The following TBC1D5 variants were observed in gnomAD, a reference collection of about 807,000 sequenced individuals.
The protein encoded by TBC1D5 is TBC1 domain family, member 5.
A neutral mutation model predicts 100.3 loss-of-function variants in TBC1D5; 75 were observed. That is an observed-to-expected ratio of 0.75 (90% confidence interval 0.62 to 0.91). The LOEUF is 0.91. TBC1D5 is among the 40% of genes least tolerant of loss of function. The pLI, the probability that TBC1D5 is intolerant of heterozygous loss-of-function variation, is 0.00. For synonymous variants in TBC1D5, 323 were observed against 325.6 expected, an observed-to-expected ratio of 0.99 and a Z score of 0.09; for missense variants, 910 against 942.4, an observed-to-expected ratio of 0.97 and a Z score of 0.45.
chr3:17,213,201 G>A (rs1199250873), intron 18 of TBC1D5, among the ~76,000 whole-genome samples: 5 of 152,158 alleles, frequency 3.3e-5, no homozygotes, highest in Non-Finnish European at 4.4e-5. Flanking sequence ...TGCTATACAG[G>A]TTTGTAGCCT....
At chr3:17,693,181 T>C (rs951859973) in intron 1 of TBC1D5, among the ~76,000 whole-genome samples, 6 of 152,052 alleles carry the variant, frequency 3.9e-5, no homozygotes, top group African/African-American at 1.2e-4. Flanking sequence ...AGAAGACGGG[T>C]GATATCTGCA....
chr3:17,527,206 T>C (rs929008224), intron 2 of TBC1D5, among the ~76,000 whole-genome samples: 17 of 152,132 alleles, frequency 1.1e-4, no homozygotes, highest in Admixed American at 7.9e-4. Context: ...TGAAAGCTTA[T>C]TTGGGAGCTG....
chr3:17,505,408 G>C (rs529414848), intron 3 of TBC1D5, among the ~76,000 whole-genome samples: 40 of 152,284 alleles, frequency 2.6e-4, no homozygotes, highest in African/African-American at 9.6e-4. Flanking sequence ...ACCAGGAGCA[G>C]ATACCTGTGT....
At chr3:17,741,355 A>G (rs1265461905), upstream of TBC1D5, among the ~76,000 whole-genome samples, 1 of 152,276 alleles carries the variant, frequency 6.6e-6, no homozygotes, top group Non-Finnish European at 1.5e-5. Flanking sequence ...CAAGACACGG[A>G]ATCAGAAAAG....
intron 1 of TBC1D5, among the ~76,000 whole-genome samples, chr3:17,653,932 G>A (rs1170068272): frequency 2.0e-5 from 3 of 152,106 alleles, no homozygotes; most frequent in African/African-American, 4.8e-5. Context: ...AAGTGAATAA[G>A]GATTAGAGGG....
intron 1 of TBC1D5, chr3:17,672,672 G>A (rs943721830): frequency 6.6e-6 from 1 of 152,158 alleles, no homozygotes; most frequent in Non-Finnish European, 1.5e-5. Flanking sequence ...TTGTCTGCAG[G>A]CTTCTTTGCC....
chr3:17,426,964 T>A (rs1050526798), intron 4 of TBC1D5, among the ~76,000 whole-genome samples: 7 of 152,020 alleles, frequency 4.6e-5, no homozygotes, highest in African/African-American at 1.7e-4. Flanking sequence ...CATATTAAGA[T>A]TCCTCTGTTA....
intron 4 of TBC1D5, among the ~76,000 whole-genome samples, chr3:17,410,375 A>G (rs2093891462): frequency 1.3e-5 from 2 of 152,190 alleles, no homozygotes; most frequent in Non-Finnish European, 2.9e-5. Context: ...ATGTACAAAG[A>G]GATTAATGTT....
chr3:17,646,543 C>G (rs2153706970), intron 1 of TBC1D5, among the ~76,000 whole-genome samples: 1 of 152,200 alleles, frequency 6.6e-6, no homozygotes, highest in South Asian at 2.1e-4. Flanking sequence ...GAGGCCTGCT[C>G]CCTAAATACT....
chr3:17,421,419 C>T (rs1450581649), intron 4 of TBC1D5, among the ~76,000 whole-genome samples: 4 of 152,070 alleles, frequency 2.6e-5, no homozygotes, highest in African/African-American at 7.2e-5. Flanking sequence ...ATATAAGAAG[C>T]GATTATATAA....
intron 1 of TBC1D5, among the ~76,000 whole-genome samples, chr3:17,662,277 CAG>C (rs2066740447): frequency 6.6e-6 from 1 of 152,204 alleles, no homozygotes; most frequent in Non-Finnish European, 1.5e-5. Context: ...GATCCTATCA[CAG>C]ACATTATTTC....
At chr3:17,577,539 T>C (rs1392649662) in intron 2 of TBC1D5, among the ~76,000 whole-genome samples, 1 of 151,934 alleles carries the variant, frequency 6.6e-6, no homozygotes, top group Admixed American at 6.6e-5. Context: ...CAAATTAATT[T>C]TCATTTGAAA....
chr3:17,499,888 C>T (rs1309569191), intron 3 of TBC1D5, among the ~76,000 whole-genome samples: 1 of 149,226 alleles, frequency 6.7e-6, no homozygotes, highest in African/African-American at 2.6e-5. Flanking sequence ...GACCAATCAA[C>T]CAAAACTACC....
At chr3:17,676,417 T>A (rs1052802040) in intron 1 of TBC1D5, among the ~76,000 whole-genome samples, 1 of 151,982 alleles carries the variant, frequency 6.6e-6, no homozygotes, top group Non-Finnish European at 1.5e-5. Context: ...ACCAAGAGAA[T>A]AAAATACCTA....
At chr3:17,480,865 G>C (rs1308605228) in intron 3 of TBC1D5, among the ~76,000 whole-genome samples, 1 of 152,202 alleles carries the variant, frequency 6.6e-6, no homozygotes. Flanking sequence ...CCATCCAGTT[G>C]TCCGTGTACC....
chr3:17,262,984 T>C (rs181779404), intron 15 of TBC1D5, among the ~76,000 whole-genome samples: 23 of 151,988 alleles, frequency 1.5e-4, no homozygotes, highest in Admixed American at 5.9e-4. Context: ...CCCAGAACTT[T>C]GGGAGGCTGA....
chr3:17,527,484 T>C, intron 2 of TBC1D5, among the ~76,000 whole-genome samples: 1 of 152,168 alleles, frequency 6.6e-6, no homozygotes, highest in Non-Finnish European at 1.5e-5. Context: ...ATTGGGAGCT[T>C]TTGAGCAAGG....
intron 21 of TBC1D5, among the ~76,000 whole-genome samples, chr3:17,161,924 C>G (rs768982766): frequency 6.6e-6 from 1 of 152,102 alleles, no homozygotes; most frequent in Non-Finnish European, 1.5e-5. Flanking sequence ...AAACCAAGAA[C>G]GGCAATTGCA....
At chr3:17,669,045 A>G (rs2067613933) in intron 1 of TBC1D5, among the ~76,000 whole-genome samples, 1 of 152,152 alleles carries the variant, frequency 6.6e-6, no homozygotes, top group South Asian at 2.1e-4. Flanking sequence ...TAGTTCCCAT[A>G]ATCCCCATGT....
Sources: gnomAD v4.1 joint callset for allele counts (sites outside exome capture counted in the v4.1 genomes callset) on GRCh38, gnomAD v4.1.1 for gene constraint, MANE v1.5 for transcripts, NCBI Gene and HGNC (gene_info 2026-07-23, HGNC 2026-07-21) for gene names.